The following TBC1D32 variants were observed in gnomAD, a reference collection of about 807,000 sequenced individuals.
The protein encoded by TBC1D32 is TBC1 domain family member 32.
Under a neutral mutation model 170.3 loss-of-function variants are expected in TBC1D32, and 151 were observed. The observed-to-expected ratio is 0.89, with a 90% CI of 0.78 to 1.01. The LOEUF (loss-of-function observed/expected upper bound fraction) is 1.01, where lower values mean the gene tolerates loss of function less well. Ranked by LOEUF, TBC1D32 falls within the 50% of genes least tolerant of loss-of-function variation. The probability of loss-of-function intolerance (pLI) is 0.00; values close to 1 mark genes in which losing one functional copy is unlikely to be tolerated. For missense variants in TBC1D32, 1,464 were observed against 1,457.1 expected, an observed-to-expected ratio of 1.00 and a Z score of -0.08; for synonymous variants, 498 against 488.0, an observed-to-expected ratio of 1.02 and a Z score of -0.27.
At chr6:121,218,593 C>T (rs1794112621) in intron 21 of TBC1D32, among the ~76,000 whole-genome samples, 1 of 152,106 alleles carries the variant, frequency 6.6e-6, no homozygotes, top group Non-Finnish European at 1.5e-5. Context: ...GAATATAAAG[C>T]AGGCAGAAAA....
intron 20 of TBC1D32, among the ~76,000 whole-genome samples, chr6:121,223,872 G>A (rs1055562281): frequency 6.6e-6 from 1 of 152,056 alleles, no homozygotes; most frequent in Non-Finnish European, 1.5e-5. Flanking sequence ...ATTTTCTGGT[G>A]CAATTTTACC....
intron 3 of TBC1D32, among the ~76,000 whole-genome samples, chr6:121,316,123 T>C (rs770741749): frequency 2.9e-4 from 44 of 152,168 alleles, no homozygotes; most frequent in Non-Finnish European, 5.7e-4. Flanking sequence ...ACCCCATTTC[T>C]ACCAAAGCTT....
At chr6:121,099,029 G>A (rs1777727738) in intron 30 of TBC1D32, among the ~76,000 whole-genome samples, 1 of 151,882 alleles carries the variant, frequency 6.6e-6, no homozygotes, top group Admixed American at 6.6e-5. Flanking sequence ...AAAAAGCAAT[G>A]TGTCACAAAA....
intron 9 of TBC1D32, among the ~76,000 whole-genome samples, chr6:121,302,767 T>C (rs1460768730): frequency 6.6e-6 from 1 of 152,098 alleles, no homozygotes; most frequent in African/African-American, 2.4e-5. Context: ...TTAAATTAAT[T>C]TAATTTAATT....
chr6:121,208,251 G>T (rs1397889107), intron 21 of TBC1D32, among the ~76,000 whole-genome samples: 1 of 152,020 alleles, frequency 6.6e-6, no homozygotes. Context: ...ACATACCTGA[G>T]ACTGGGTAAT....
At chr6:121,273,609 A>G (rs554007579) in intron 15 of TBC1D32, among the ~76,000 whole-genome samples, 137 of 151,850 alleles carry the variant, frequency 9.0e-4, no homozygotes, top group Non-Finnish European at 1.8e-3. Flanking sequence ...CACATTGTGC[A>G]CATGTACCCT....
chr6:121,143,272 A>G (rs1783023423), intron 24 of TBC1D32, among the ~76,000 whole-genome samples: 1 of 152,304 alleles, frequency 6.6e-6, no homozygotes, highest in African/African-American at 2.4e-5. Flanking sequence ...ATGTATACAT[A>G]CATACACAGA....
intron 5 of TBC1D32, among the ~76,000 whole-genome samples, chr6:121,305,522 TAAATAGTCTAATC>T (rs1317023447): frequency 3.3e-5 from 5 of 151,432 alleles, no homozygotes; most frequent in African/African-American, 1.2e-4. Context: ...AAAATTGCCT[TAAATAGTCTAATC>T]TGGGGGGGGA....
At chr6:121,098,542 C>T (rs773546285) in intron 30 of TBC1D32, among the ~76,000 whole-genome samples, 6 of 151,982 alleles carry the variant, frequency 3.9e-5, no homozygotes, top group African/African-American at 1.4e-4. Context: ...ACTCTTTATA[C>T]TATGAAGCAA....
chr6:121,215,250 C>G (rs2128318038), intron 21 of TBC1D32, among the ~76,000 whole-genome samples: 1 of 152,362 alleles, frequency 6.6e-6, no homozygotes, highest in Admixed American at 6.5e-5. Context: ...CAGCTCGGCC[C>G]TCATACTTCA....
rs1047257311 is a variant in TBC1D32, at chr6:121,177,798, T to C, written c.2571-16742A>G. The stretch of plus-strand genomic sequence containing the variant: ...GCCCTACCCCCAAGATATCAAACTA[T>C]GGATATGCAAGTATTTCAAAATCTG... On this transcript the variant is annotated intron_variant, in intron 22 of 31. Coordinates refer to ENST00000398212, the MANE Select transcript of TBC1D32 (RefSeq NM_152730.6). Among the ~76,000 whole-genome samples, 74 of 152,170 alleles carry C rather than the reference T, an allele frequency of 4.9e-4. 1 individual carries two copies. Among genetic ancestry groups the C allele is most frequent in the African/African-American group, 1.6e-3 (66 of 41,436 alleles).
chr6:121,307,871 C>CA, intron 5 of TBC1D32, 105 bp downstream of exon 5: 3 of 1,330,504 alleles, frequency 2.3e-6, no homozygotes, highest in Non-Finnish European at 3.0e-6. Context: ...TCAAAAAAAA[C>CA]AAAAAAGAAA....
rs189142323 is a variant in TBC1D32 at position 121,216,405 on chromosome 6, C to T, written c.2481+6831G>A. Among the ~76,000 whole-genome samples, 315 of 152,164 alleles carry T rather than the reference C, an allele frequency of 2.1e-3. 1 individual carries two copies. Among genetic ancestry groups the T allele is most frequent in the African/African-American group, 7.3e-3 (303 of 41,484 alleles). ...CCTCTATAGGTATATTTATGTCTAT[C>T]GTATTAGCTCTGCTCTCTAGGGATC... On this transcript the variant is annotated intron_variant, in intron 21 of 31. Transcript: ENST00000398212.
intron 24 of TBC1D32, among the ~76,000 whole-genome samples, chr6:121,158,323 T>C (rs1276685476): frequency 6.6e-6 from 1 of 152,158 alleles, no homozygotes; most frequent in Non-Finnish European, 1.5e-5. Context: ...AATTATGAAA[T>C]TCTTAAGGTG....
At chr6:121,268,351 C>G (rs750764224) in intron 15 of TBC1D32, among the ~76,000 whole-genome samples, 1 of 152,060 alleles carries the variant, frequency 6.6e-6, no homozygotes, top group African/African-American at 2.4e-5. Flanking sequence ...TGCAAACAAG[C>G]TAAAAATCTT....
rs114308098 is a variant in TBC1D32 at position 121,100,013 on chromosome 6, A to C, written c.3465+6010T>G. Among the ~76,000 whole-genome samples, 230 of 151,844 alleles carry C rather than the reference A, an allele frequency of 1.5e-3. 1 individual carries two copies. The highest frequency in any genetic ancestry group is 5.4e-3 in the African/African-American group (223 of 41,492). On this transcript the variant is annotated intron_variant, in intron 30 of 31. Transcript: ENST00000398212. ...TTAGTCAAGTTTTAAATTAAAGAGT[A>C]TATGGTATGTACCCAGTAGTCATTC...
At chr6:121,211,915 A>G (rs770980551) in intron 21 of TBC1D32, among the ~76,000 whole-genome samples, 3 of 151,994 alleles carry the variant, frequency 2.0e-5, no homozygotes, top group Non-Finnish European at 4.4e-5. Context: ...CTGCACACAC[A>G]GTTCCTCGAC....
rs1052205711 is a variant in TBC1D32, at chr6:121,287,046, A to C, written c.1373-3136T>G. 2.6e-5 allele frequency among the ~76,000 whole-genome samples: 4 copies of C among 152,174 alleles called. No individual in the cohort carries two copies. In the East Asian group the frequency reaches 7.7e-4, roughly 29 times the overall value. On this transcript the variant is annotated intron_variant, in intron 12 of 31. Transcript: ENST00000398212. ...ACAACCGGTACCAGCCACTGCAAAA[A>C]CATGCCAAATTGTAGAGACCATCAA... is the stretch of plus-strand genomic sequence containing the variant.
At chr6:121,161,566 T>C (rs1249836264) in intron 22 of TBC1D32, among the ~76,000 whole-genome samples, 2 of 152,230 alleles carry the variant, frequency 1.3e-5, no homozygotes, top group Non-Finnish European at 2.9e-5. Flanking sequence ...ATGCTGTATA[T>C]GTATCACATT....
Sources: allele counts gnomAD v4.1 joint callset (sites outside exome capture counted in the v4.1 genomes callset), GRCh38; gene constraint gnomAD v4.1.1; transcripts MANE v1.5; gene names NCBI Gene and HGNC (gene_info 2026-07-23, HGNC 2026-07-21).